The following ARID1B variants were observed in gnomAD, a reference collection of about 807,000 sequenced individuals.
ARID1B encodes the protein AT-rich interaction domain 1B, also known as AT-rich interactive domain-containing protein 1B.
A neutral mutation model predicts 212.3 loss-of-function variants in ARID1B; 30 were observed. The observed-to-expected ratio is 0.14, with a 90% CI of 0.11 to 0.19. The LOEUF is 0.19. ARID1B is among the 10% of genes least tolerant of loss of function. The pLI is 1.00. For missense variants in ARID1B, 2,891 were observed against 3,204.0 expected (o/e 0.90, Z 2.36); for synonymous variants, 1,402 against 1,301.7 (o/e 1.08, Z -1.66).
Position 157,200,828 on chromosome 6 carries a change from T to C in ARID1B, c.4603T>C (p.Ser1535Pro). The C allele has an allele frequency of 6.2e-7, 1 of 1,614,036 alleles. No homozygotes were observed. ...GTACAACCAGTATGGAGGCTCCTACTCGGGCCCGGACCGCAGGCCCATCCA... is the reference window on the plus strand; with the variant it reads ...GTACAACCAGTATGGAGGCTCCTACCCGGGCCCGGACCGCAGGCCCATCCA... ...EMYNQYGGSY[S>P]GPDRRPIQGQ... The change falls in exon 18 of 20, where the codon TCG becomes CCG. Residue 1535 changes from serine (S) to proline (P), a missense_variant. Physicochemically the swap from Ser to Pro is moderately conservative, Grantham distance 74. Transcript: ENST00000636930. The surrounding 1 kb of genome is among the most constrained non-coding windows in gnomAD (Gnocchi z 4.3).
chr6:157,031,839 TG>T (rs1403234602), intron 4 of ARID1B, among the ~76,000 whole-genome samples: 1 of 152,062 alleles, frequency 6.6e-6, no homozygotes, highest in African/African-American at 2.4e-5. Flanking sequence ...TTGCCCAGGC[TG>T]GATGGAGTGC....
At position 157,057,552 on chromosome 6, in the gene ARID1B, T is replaced by C. The variant is rs112441987; in HGVS notation, c.2248-27110T>C. On this transcript the variant is annotated intron_variant, in intron 4 of 19. Coordinates refer to ENST00000636930, the MANE Select transcript of ARID1B (RefSeq NM_001374828.1). ...GATCCTCCCACCTCAGCCTCCCAAGTAGCTGGGATTGCAAGTGTGAGCCAC... is the reference window on the plus strand; with the variant it reads ...GATCCTCCCACCTCAGCCTCCCAAGCAGCTGGGATTGCAAGTGTGAGCCAC... 5.5e-3 allele frequency among the ~76,000 whole-genome samples: 842 copies of C among 152,242 alleles called. 13 individuals carry two copies. Among genetic ancestry groups the C allele is most frequent in the African/African-American group, 0.02 (813 of 41,548 alleles).
At chr6:156,991,299 C>T (rs757721416) in intron 4 of ARID1B, among the ~76,000 whole-genome samples, 19 of 152,128 alleles carry the variant, frequency 1.2e-4, no homozygotes, top group Non-Finnish European at 2.8e-4. Context: ...GGTGCGATCT[C>T]GGCTCACTGC....
chr6:156,858,936 C>G (rs1208754174), intron 2 of ARID1B, among the ~76,000 whole-genome samples: 6 of 152,058 alleles, frequency 3.9e-5, no homozygotes, highest in African/African-American at 1.2e-4. Context: ...CTGAGCGAGT[C>G]AGTGAGTGAG....
At chr6:157,166,792 TTGACA>T in intron 8 of ARID1B, 1 of 395,466 alleles carries the variant, frequency 2.5e-6, no homozygotes, top group South Asian at 5.4e-5. Context: ...CCTGGAACAC[TTGACA>T]TGATTAAAAA....
At chr6:156,790,098 CT>C (rs1429117605) in intron 1 of ARID1B, among the ~76,000 whole-genome samples, 2 of 152,144 alleles carry the variant, frequency 1.3e-5, no homozygotes, top group Non-Finnish European at 2.9e-5. Context: ...ATGTTTTTAC[CT>C]TGTCCAGTGT....
At chr6:156,962,481 G>A (rs1219394956) in intron 4 of ARID1B, among the ~76,000 whole-genome samples, 1 of 152,180 alleles carries the variant, frequency 6.6e-6, no homozygotes, top group Non-Finnish European at 1.5e-5. Context: ...TGGTGGGGAC[G>A]TGGAGGGAGA....
At chr6:156,961,790 T>C (rs1435247793) in intron 4 of ARID1B, among the ~76,000 whole-genome samples, 9 of 152,286 alleles carry the variant, frequency 5.9e-5, no homozygotes, top group Non-Finnish European at 1.3e-4. Flanking sequence ...TTGTTTATGA[T>C]TAGTGTTTTG....
chr6:157,004,589 A>G (rs1022234647), intron 4 of ARID1B, among the ~76,000 whole-genome samples: 4 of 152,212 alleles, frequency 2.6e-5, no homozygotes, highest in Non-Finnish European at 5.9e-5. Flanking sequence ...TTCAGAAGGT[A>G]AAGTTGGTCT....
At chr6:157,054,251 C>T (rs1782793859) in intron 4 of ARID1B, among the ~76,000 whole-genome samples, 1 of 147,146 alleles carries the variant, frequency 6.8e-6, no homozygotes, top group Non-Finnish European at 1.5e-5. Flanking sequence ...TGGCCAGGAG[C>T]TGTGTGATTC....
chr6:157,184,508 T>C lies in ARID1B; in HGVS notation c.3919+73T>C, dbSNP rs765832591. On this transcript the variant is annotated intron_variant, in intron 13 of 19. Coordinates refer to ENST00000636930, the MANE Select transcript of ARID1B (RefSeq NM_001374828.1). The stretch of plus-strand genomic sequence containing the variant: ...GGCCTGGGAGGTTCCGGGAAGGTGG[T>C]TTCACAGTCAGGCCAACAGGGAACT... The C allele has an allele frequency of 4.5e-6, 7 of 1,564,070 alleles. No individual in the cohort carries two copies. In the East Asian group the frequency reaches 1.6e-4, roughly 35 times the overall value.
chr6:157,136,228 C>G (rs2128594419), intron 7 of ARID1B, among the ~76,000 whole-genome samples: 1 of 152,270 alleles, frequency 6.6e-6, no homozygotes, highest in Non-Finnish European at 1.5e-5. Flanking sequence ...ATGGTCAAGC[C>G]AGGATCCAAA....
chr6:156,947,463 A>G lies in ARID1B; in HGVS notation c.2247+11887A>G, dbSNP rs113884775. Among the ~76,000 whole-genome samples the G allele has an allele frequency of 5.2e-3, 789 of 152,040 alleles. 2 individuals carry two copies. The highest frequency in any genetic ancestry group is 7.8e-3 in the Non-Finnish European group (528 of 67,980). ...TTTTGCAGATGTAGGGCGTGTGAGT[A>G]TGGGGCGATGGTGCAGGGAACCTTG... On this transcript the variant is annotated intron_variant, in intron 4 of 19. Transcript: ENST00000636930.
rs145348477 is a variant in ARID1B at position 156,831,774 on chromosome 6, T to C, written c.1986+2353T>C. On this transcript the variant is annotated intron_variant, in intron 2 of 19. Transcript: ENST00000636930. Reference sequence around the variant, plus strand: ...GTTGCCCATCAAGTATTTCAGCAAATTTTTAATTAAGATTTTAGATTGGAT... The same window carrying C: ...GTTGCCCATCAAGTATTTCAGCAAACTTTTAATTAAGATTTTAGATTGGAT... Among the ~76,000 whole-genome samples, 710 of 152,348 alleles carry C rather than the reference T, an allele frequency of 4.7e-3. 6 individuals are homozygous for C. Among genetic ancestry groups the C allele is most frequent in the African/African-American group, 0.016 (656 of 41,586 alleles).
intron 4 of ARID1B, among the ~76,000 whole-genome samples, chr6:156,971,415 A>G (rs1776915932): frequency 6.6e-6 from 1 of 152,214 alleles, no homozygotes; most frequent in Non-Finnish European, 1.5e-5. Context: ...AGATGTTGAA[A>G]GAACTTTGTG....
intron 6 of ARID1B, among the ~76,000 whole-genome samples, chr6:157,120,670 G>A (rs1787647309): frequency 6.6e-6 from 1 of 152,166 alleles, no homozygotes; most frequent in Non-Finnish European, 1.5e-5. Context: ...CACCACAAAG[G>A]TGGCGTGGTA....
At chr6:157,027,978 GA>G (rs1309998915) in intron 4 of ARID1B, among the ~76,000 whole-genome samples, 1 of 152,072 alleles carries the variant, frequency 6.6e-6, no homozygotes, top group Non-Finnish European at 1.5e-5. Flanking sequence ...TCAAAATTAG[GA>G]AAAGAGTTTA....
rs147679193 is a variant in ARID1B at position 157,166,696 on chromosome 6, A to G, written c.3090-344A>G. 4.7e-3 allele frequency: 843 copies of G among 178,316 alleles called. 7 individuals are homozygous for G. The highest frequency in any genetic ancestry group is 0.019 in the African/African-American group (792 of 42,388). The allele number at this position is 178,316 out of a possible 1,614,324, so 11.0% of individuals were successfully genotyped here. On this transcript the variant is annotated intron_variant, in intron 8 of 19. Transcript: ENST00000636930. ...AGGTTACTAAGTAGTGTTAATAGTC[A>G]GAAGTTAATTTTGCTTGCTTTTGTA...
chr6:156,986,931 C>T (rs191023927), intron 4 of ARID1B, among the ~76,000 whole-genome samples: 173 of 152,268 alleles, frequency 1.1e-3, no homozygotes, highest in South Asian at 2.3e-3. Flanking sequence ...GTAATCCCAA[C>T]ACTTTGGGAG....
Sources: gnomAD v4.1 joint callset for allele counts (sites outside exome capture counted in the v4.1 genomes callset) on GRCh38, gnomAD v4.1.1 for gene constraint, Gnocchi (gnomAD v3.1) non-coding constraint, MANE v1.5 for transcripts, NCBI Gene and HGNC (gene_info 2026-07-23, HGNC 2026-07-21) for gene names.